The following FKTN variants were observed in gnomAD, a reference collection of about 807,000 sequenced individuals.
FKTN encodes the protein fukutin, also known as ribitol-5-phosphate transferase FKTN.
A neutral mutation model predicts 58.6 loss-of-function variants in FKTN; 47 were observed. The observed-to-expected ratio is 0.80, with a 90% CI of 0.63 to 1.02. The LOEUF (loss-of-function observed/expected upper bound fraction) is 1.02, where lower values mean the gene tolerates loss of function less well. Ranked by LOEUF, FKTN falls within the 50% of genes least tolerant of loss-of-function variation. The pLI is 0.00. For synonymous variants in FKTN, 178 were observed against 191.9 expected, an observed-to-expected ratio of 0.93 and a Z score of 0.60; for missense variants, 516 against 537.3, an observed-to-expected ratio of 0.96 and a Z score of 0.39.
intron 3 of FKTN, among the ~76,000 whole-genome samples, chr9:105,580,286 A>T (rs948166824): frequency 6.6e-6 from 1 of 151,898 alleles, no homozygotes; most frequent in Non-Finnish European, 1.5e-5. Context: ...TTTTGGCATG[A>T]TTTTGCAGCA....
chr9:105,588,134 A>G (rs1225432248), intron 3 of FKTN, among the ~76,000 whole-genome samples: 1 of 152,210 alleles, frequency 6.6e-6, no homozygotes, highest in African/African-American at 2.4e-5. Flanking sequence ...ACTGTTGGAT[A>G]CTGCATTTCA....
chr9:105,627,356 G>A (rs146165901), intron 10 of FKTN, among the ~76,000 whole-genome samples: 139 of 152,054 alleles, frequency 9.1e-4, no homozygotes, highest in African/African-American at 3.3e-3. Context: ...TAGTATTATC[G>A]TGTCCTGTTT....
intron 3 of FKTN, among the ~76,000 whole-genome samples, chr9:105,593,484 C>A (rs927190067): frequency 6.6e-6 from 1 of 152,012 alleles, no homozygotes; most frequent in African/African-American, 2.4e-5. Flanking sequence ...GGTGAATAGA[C>A]AATTGGCTAT....
chr9:105,596,510 T>C (rs1252585768), intron 3 of FKTN, 88 bp from the exon 4 acceptor site: 1 of 823,508 alleles, frequency 1.2e-6, no homozygotes, highest in Non-Finnish European at 2.1e-6. Context: ...TATAAGCTAA[T>C]TATATTTTGA....
intron 3 of FKTN, among the ~76,000 whole-genome samples, chr9:105,587,624 G>A (rs1844131912): frequency 5.9e-5 from 9 of 152,082 alleles, no homozygotes; most frequent in Admixed American, 5.9e-4. Context: ...AAATACTACT[G>A]CCCCACTTCT....
intron 8 of FKTN, 113 bp from the exon 9 acceptor site, chr9:105,617,846 C>T (rs1395871745): frequency 1.3e-5 from 9 of 712,442 alleles, no homozygotes; most frequent in East Asian, 2.8e-5. Flanking sequence ...TATAGTGAGA[C>T]TCTGTCTCTT....
chr9:105,566,713 G>T (rs1247576192), intron 1 of FKTN, among the ~76,000 whole-genome samples: 1 of 152,128 alleles, frequency 6.6e-6, no homozygotes, highest in Non-Finnish European at 1.5e-5. Flanking sequence ...TTCTACCAGA[G>T]GTACAAGGAG....
At chr9:105,633,429 C>G (rs545646169) in intron 10 of FKTN, 1 of 152,290 alleles carries the variant, frequency 6.6e-6, no homozygotes, top group African/African-American at 2.4e-5. Flanking sequence ...ACCATGAGTT[C>G]TGCCTCAATT....
At chr9:105,558,577 A>G (rs1837640225) in intron 1 of FKTN, among the ~76,000 whole-genome samples, 1 of 151,484 alleles carries the variant, frequency 6.6e-6, no homozygotes, top group African/African-American at 2.4e-5. Flanking sequence ...GAAATTTACA[A>G]TTTCTCATTT....
intron 1 of FKTN, among the ~76,000 whole-genome samples, chr9:105,570,113 T>A (rs1840479761): frequency 6.6e-6 from 1 of 152,106 alleles, no homozygotes; most frequent in Admixed American, 6.5e-5. Context: ...GATATGTGAG[T>A]TTAAGGGGCT....
intron 1 of FKTN, among the ~76,000 whole-genome samples, chr9:105,567,038 C>A (rs980501933): frequency 2.0e-5 from 3 of 152,090 alleles, no homozygotes; most frequent in African/African-American, 7.2e-5. Context: ...GAACCAACAA[C>A]AAAAGCCACA....
At chr9:105,617,694 G>A (rs1244073492) in intron 8 of FKTN, among the ~76,000 whole-genome samples, 1 of 152,094 alleles carries the variant, frequency 6.6e-6, no homozygotes, top group Non-Finnish European at 1.5e-5. Context: ...CATTTAGTTT[G>A]AGGTTTAATT....
chr9:105,597,626 C>T (rs896204547), intron 4 of FKTN, among the ~76,000 whole-genome samples: 2 of 152,092 alleles, frequency 1.3e-5, no homozygotes, highest in African/African-American at 4.8e-5. Context: ...TGTAACACTT[C>T]TCTACCTCCA....
chr9:105,584,086 C>G (rs1436638810), intron 3 of FKTN, among the ~76,000 whole-genome samples: 3 of 152,134 alleles, frequency 2.0e-5, no homozygotes, highest in Non-Finnish European at 4.4e-5. Context: ...GCTGTGGGAT[C>G]TTGAGTTAAT....
intron 8 of FKTN, among the ~76,000 whole-genome samples, chr9:105,616,273 C>G: frequency 6.6e-6 from 1 of 152,200 alleles, no homozygotes. Context: ...TTGTTATTGC[C>G]TTTTTTTATA....
chr9:105,560,566 A>G (rs1838108554), intron 1 of FKTN, among the ~76,000 whole-genome samples: 1 of 152,204 alleles, frequency 6.6e-6, no homozygotes, highest in Admixed American at 6.5e-5. Context: ...CCATGTAAAA[A>G]TCACTCCTAA....
intron 3 of FKTN, among the ~76,000 whole-genome samples, chr9:105,589,076 G>A (rs1015804998): frequency 1.3e-5 from 2 of 152,196 alleles, no homozygotes; most frequent in South Asian, 2.1e-4. Flanking sequence ...CGGATTAAAC[G>A]TTAAGATAAT....
intron 4 of FKTN, chr9:105,598,179 A>G (rs1422417326): frequency 4.3e-6 from 2 of 465,630 alleles, no homozygotes; most frequent in African/African-American, 4.0e-5. Flanking sequence ...AGCTTACCAC[A>G]TTCAGTGAGT....
intron 7 of FKTN, 139 bp from the exon 8 acceptor site, chr9:105,615,138 CT>C: frequency 1.2e-6 from 1 of 867,562 alleles, no homozygotes. Flanking sequence ...CCTGCCTTGG[CT>C]TCCCAAAGTT....
Sources: allele counts gnomAD v4.1 joint callset (sites outside exome capture counted in the v4.1 genomes callset), GRCh38; gene constraint gnomAD v4.1.1; transcripts MANE v1.5; gene names NCBI Gene and HGNC (gene_info 2026-07-23, HGNC 2026-07-21).